The following KHDRBS3 variants were observed in gnomAD, a reference collection of about 807,000 sequenced individuals.
KHDRBS3 encodes the protein KH domain-containing, RNA-binding, signal transduction-associated protein 3.
A neutral mutation model predicts 45.6 loss-of-function variants in KHDRBS3; 23 were observed. The ratio of observed to expected loss-of-function variants is 0.50; its 90% confidence interval spans 0.36 to 0.72. The LOEUF is 0.72. KHDRBS3 is among the 30% of genes least tolerant of loss of function. KHDRBS3 has a pLI of 0.00. For synonymous variants in KHDRBS3, 162 were observed against 156.5 expected, an observed-to-expected ratio of 1.04 and a Z score of -0.26; for missense variants, 352 against 424.8, an observed-to-expected ratio of 0.83 and a Z score of 1.51.
chr8:135,474,268 A>G (rs1308557432), intron 1 of KHDRBS3, among the ~76,000 whole-genome samples: 1 of 152,240 alleles, frequency 6.6e-6, no homozygotes, highest in East Asian at 1.9e-4. Context: ...CATCACATTT[A>G]CATAAATAAA....
chr8:135,631,856 G>T (rs1021886409), intron 7 of KHDRBS3, among the ~76,000 whole-genome samples: 4 of 152,132 alleles, frequency 2.6e-5, no homozygotes, highest in African/African-American at 9.7e-5. Flanking sequence ...GTACATAATT[G>T]TATGTGCTAG....
intron 5 of KHDRBS3, among the ~76,000 whole-genome samples, chr8:135,577,661 C>T (rs887571154): frequency 2.0e-5 from 3 of 152,238 alleles, no homozygotes; most frequent in Admixed American, 1.3e-4. Context: ...GTTCATCTAT[C>T]GAAGGGCATC....
intron 1 of KHDRBS3, among the ~76,000 whole-genome samples, chr8:135,459,254 T>C (rs1821299241): frequency 6.6e-6 from 1 of 152,180 alleles, no homozygotes; most frequent in African/African-American, 2.4e-5. Flanking sequence ...AGAGTGTGTG[T>C]GTGGTTGACC....
intron 1 of KHDRBS3, among the ~76,000 whole-genome samples, chr8:135,515,352 C>G (rs538110554): frequency 1.1e-5 from 1 of 92,848 alleles, no homozygotes; most frequent in African/African-American, 3.7e-5. Context: ...GGCGACAGAG[C>G]GAGACTCCGT....
At chr8:135,560,018 C>A (rs1449858023) in intron 5 of KHDRBS3, among the ~76,000 whole-genome samples, 2 of 152,052 alleles carry the variant, frequency 1.3e-5, no homozygotes, top group East Asian at 3.9e-4. Context: ...GAGTTTGAGA[C>A]CAGTCTGGGC....
intron 5 of KHDRBS3, among the ~76,000 whole-genome samples, chr8:135,566,781 G>A (rs1221791864): frequency 6.6e-6 from 1 of 152,148 alleles, no homozygotes; most frequent in Non-Finnish European, 1.5e-5. Flanking sequence ...TGGGAGGATC[G>A]CTTGAGCCCA....
chr8:135,655,900 G>A lies in KHDRBS3; in HGVS notation c.*118-326G>A, dbSNP rs549564347. ...ACAAGAATGCAAGGACTCTGCCAGG[G>A]TGGACCCCTAGGAACTCATAGGTTA... On this transcript the variant is annotated intron_variant and NMD_transcript_variant, in intron 4 of 4. Transcript: ENST00000521461. Among the ~76,000 whole-genome samples, 4 of 152,268 alleles carry A rather than the reference G, an allele frequency of 2.6e-5. No homozygotes were observed. In the East Asian group the frequency reaches 7.7e-4, roughly 29 times the overall value.
intron 7 of KHDRBS3, among the ~76,000 whole-genome samples, chr8:135,608,013 C>A (rs780069038): frequency 9.2e-5 from 14 of 152,124 alleles, no homozygotes; most frequent in Non-Finnish European, 1.2e-4. Flanking sequence ...GCCTGTATAT[C>A]GTGTTTGTGC....
intron 1 of KHDRBS3, among the ~76,000 whole-genome samples, chr8:135,512,512 A>G (rs1157289993): frequency 6.7e-6 from 1 of 149,244 alleles, no homozygotes; most frequent in African/African-American, 2.5e-5. Flanking sequence ...TTATTCAGTT[A>G]TTTTCTGACC....
chr8:135,528,826 T>G (rs577538341), intron 2 of KHDRBS3, among the ~76,000 whole-genome samples: 28 of 152,192 alleles, frequency 1.8e-4, no homozygotes, highest in Non-Finnish European at 3.2e-4. Context: ...ATTAATTACC[T>G]TAGCCCTTTT....
chr8:135,544,739 A>T (rs1826207024), intron 3 of KHDRBS3, among the ~76,000 whole-genome samples: 1 of 152,128 alleles, frequency 6.6e-6, no homozygotes, highest in Admixed American at 6.5e-5. Context: ...TCTTTTCCAG[A>T]TCACCCATTC....
At chr8:135,491,819 A>G (rs749392816) in intron 1 of KHDRBS3, among the ~76,000 whole-genome samples, 18 of 152,192 alleles carry the variant, frequency 1.2e-4, no homozygotes, top group Non-Finnish European at 1.9e-4. Context: ...ATTCAGAAGC[A>G]ATGGTAGGTA....
Position 135,557,467 on chromosome 8 carries a change from G to A in KHDRBS3, c.491G>A (p.Arg164Lys). The change falls in exon 5 of 9, where the codon AGG becomes AAG. Residue 164 changes from arginine to lysine, a missense_variant. Physicochemically the swap from Arg to Lys is conservative, Grantham distance 26 (BLOSUM62 2). Around this residue, in one of 6 missense-constraint regions of KHDRBS3, gnomAD observed 12 missense variants for 38.0 expected, o/e 0.32. Coordinates refer to ENST00000355849, the MANE Select transcript of KHDRBS3 (RefSeq NM_006558.3). Reference protein sequence around the residue: ...FLIPDYNDEIRQAQLQELTYL... With the variant: ...FLIPDYNDEIKQAQLQELTYL... ...GTGTAGGATTATAATGATGAGATCA[G>A]GCAAGCACAGCTCCAGGAGTTAACA... 6.2e-7 allele frequency: 1 copy of A among 1,611,298 alleles called. No homozygotes were observed. The highest frequency in any genetic ancestry group is 8.5e-7 in the Non-Finnish European group (1 of 1,177,494).
chr8:135,482,324 A>C (rs541485349), intron 1 of KHDRBS3, among the ~76,000 whole-genome samples: 1 of 152,302 alleles, frequency 6.6e-6, no homozygotes, highest in Admixed American at 6.5e-5. Context: ...TTTGCATTTG[A>C]TAAAACCTGG....
chr8:135,581,268 C>T (rs1001647732), intron 5 of KHDRBS3, among the ~76,000 whole-genome samples: 4 of 152,192 alleles, frequency 2.6e-5, no homozygotes, highest in African/African-American at 9.7e-5. Context: ...CTCCTTCCTT[C>T]CTGACTTGAA....
At chr8:135,465,828 C>T (rs1468895126) in intron 1 of KHDRBS3, among the ~76,000 whole-genome samples, 1 of 152,106 alleles carries the variant, frequency 6.6e-6, no homozygotes. Context: ...TGATGTTCTT[C>T]GTTGATATGA....
chr8:135,499,519 A>G (rs1370205662), intron 1 of KHDRBS3, among the ~76,000 whole-genome samples: 1 of 152,212 alleles, frequency 6.6e-6, no homozygotes, highest in Admixed American at 6.5e-5. Context: ...GCAAATTGCA[A>G]CACTTTTCTT....
intron 6 of KHDRBS3, among the ~76,000 whole-genome samples, chr8:135,603,292 T>A (rs1044427013): frequency 6.6e-6 from 1 of 152,204 alleles, no homozygotes; most frequent in Non-Finnish European, 1.5e-5. Flanking sequence ...AGGTGCTAAG[T>A]GATGAAGATT....
intron 6 of KHDRBS3, among the ~76,000 whole-genome samples, chr8:135,585,303 AC>A (rs1828419459): frequency 6.6e-6 from 1 of 152,020 alleles, no homozygotes; most frequent in Non-Finnish European, 1.5e-5. Context: ...ATTATAAGAT[AC>A]CCAACTTAGA....
Sources: allele counts gnomAD v4.1 joint callset (sites outside exome capture counted in the v4.1 genomes callset), GRCh38; gene constraint gnomAD v4.1.1; regional missense constraint gnomAD v4.1.1; transcripts MANE v1.5; gene names NCBI Gene and HGNC (gene_info 2026-07-23, HGNC 2026-07-21).